The following FRMD4A variants were observed in gnomAD, a reference collection of about 807,000 sequenced individuals.
FRMD4A encodes FERM domain containing 4A, also known as FERM domain-containing protein 4A.
FRMD4A carries 29 observed loss-of-function variants against 129.1 expected under a neutral mutation model. That is an observed-to-expected ratio of 0.22 (90% CI 0.17 to 0.31). The LOEUF (loss-of-function observed/expected upper bound fraction) is 0.31, where lower values mean the gene tolerates loss of function less well. Among genes scored for constraint, FRMD4A ranks in the 10% least tolerant of loss-of-function variants. The pLI is 1.00. For synonymous variants in FRMD4A, 634 were observed against 571.6 expected (o/e 1.11, Z -1.56); for missense variants, 1,272 against 1,375.8 (o/e 0.92, Z 1.19).
chr10:13,795,684 C>G (rs1195037229), intron 5 of FRMD4A, among the ~76,000 whole-genome samples: 1 of 152,126 alleles, frequency 6.6e-6, no homozygotes, highest in Non-Finnish European at 1.5e-5. Flanking sequence ...GTGTTGCAAT[C>G]AAGGTTCTGG....
intron 22 of FRMD4A, chr10:13,654,865 A>C: frequency 3.3e-6 from 1 of 305,564 alleles, no homozygotes; most frequent in African/African-American, 2.2e-5. Flanking sequence ...TGATGTCCCC[A>C]TAGTCCTTTG....
At chr10:14,265,559 A>G (rs1186743624) in intron 2 of FRMD4A, among the ~76,000 whole-genome samples, 2 of 152,252 alleles carry the variant, frequency 1.3e-5, no homozygotes, top group African/African-American at 4.8e-5. Flanking sequence ...AGAAACTATA[A>G]GAATATAGCT....
intron 2 of FRMD4A, among the ~76,000 whole-genome samples, chr10:13,990,805 A>G (rs1181689791): frequency 6.6e-6 from 1 of 152,164 alleles, no homozygotes. Context: ...CTGCGAGTCA[A>G]CCTGATCACC....
intron 2 of FRMD4A, among the ~76,000 whole-genome samples, chr10:14,185,579 C>G (rs543102364): frequency 3.7e-4 from 57 of 152,026 alleles, no homozygotes; most frequent in African/African-American, 1.3e-3. Flanking sequence ...TCAATCTCGT[C>G]TTGTAAGAAA....
intron 2 of FRMD4A, among the ~76,000 whole-genome samples, chr10:14,147,008 A>T (rs762578587): frequency 3.0e-4 from 45 of 152,216 alleles, no homozygotes; most frequent in Non-Finnish European, 5.4e-4. Context: ...CATGTCTTTA[A>T]GTTGCTTCAA....
intron 6 of FRMD4A, among the ~76,000 whole-genome samples, chr10:13,769,549 A>G (rs1441618247): frequency 1.3e-5 from 2 of 152,026 alleles, no homozygotes; most frequent in East Asian, 3.9e-4. Context: ...GGCTCAAGTG[A>G]TCCACCCACC....
intron 2 of FRMD4A, among the ~76,000 whole-genome samples, chr10:14,142,439 T>A (rs1343309267): frequency 6.6e-6 from 1 of 152,226 alleles, no homozygotes; most frequent in African/African-American, 2.4e-5. Context: ...GTCTGACTAC[T>A]GTCAAAAATT....
intron 2 of FRMD4A, chr10:13,890,972 G>T: frequency 2.6e-6 from 1 of 385,646 alleles, no homozygotes; most frequent in Non-Finnish European, 3.6e-6. Context: ...CGCACAGGCA[G>T]CCCACGCAGC....
At chr10:14,313,671 G>A (rs1846636212) in intron 2 of FRMD4A, among the ~76,000 whole-genome samples, 1 of 152,168 alleles carries the variant, frequency 6.6e-6, no homozygotes, top group Non-Finnish European at 1.5e-5. Flanking sequence ...AGATGCAACA[G>A]GGACAGATGT....
chr10:13,743,439 G>A (rs2091122019), intron 9 of FRMD4A, among the ~76,000 whole-genome samples: 1 of 151,466 alleles, frequency 6.6e-6, no homozygotes, highest in Non-Finnish European at 1.5e-5. Context: ...AGTGTAGATA[G>A]GGACCTTTTT....
chr10:14,156,412 TC>T (rs1396976344), intron 2 of FRMD4A, among the ~76,000 whole-genome samples: 1 of 152,252 alleles, frequency 6.6e-6, no homozygotes, highest in African/African-American at 2.4e-5. Flanking sequence ...CGCAGATGAT[TC>T]ATACACTTAG....
chr10:14,277,789 C>T (rs544522479), intron 2 of FRMD4A, among the ~76,000 whole-genome samples: 2 of 152,302 alleles, frequency 1.3e-5, no homozygotes, highest in Admixed American at 6.5e-5. Context: ...AGTTCTTTGC[C>T]TACTGGGGAA....
At chr10:13,776,474 C>T (rs1588663341) in intron 6 of FRMD4A, among the ~76,000 whole-genome samples, 1 of 152,158 alleles carries the variant, frequency 6.6e-6, no homozygotes, top group African/African-American at 2.4e-5. Flanking sequence ...GAATAATGCC[C>T]TGTGTCAATT....
intron 17 of FRMD4A, among the ~76,000 whole-genome samples, chr10:13,666,917 T>C (rs867828773): frequency 0.013 from 1,902 of 143,970 alleles, 39 homozygotes; most frequent in African/African-American, 0.049. Flanking sequence ...TTTTCTTTTT[T>C]TTTTTTTTTT....
intron 2 of FRMD4A, among the ~76,000 whole-genome samples, chr10:14,058,793 T>C (rs915900269): frequency 1.3e-5 from 2 of 152,116 alleles, no homozygotes; most frequent in Non-Finnish European, 2.9e-5. Context: ...AAGAGCTGAT[T>C]GGCTGGGCAT....
At chr10:14,233,173 T>C (rs1028643819) in intron 2 of FRMD4A, among the ~76,000 whole-genome samples, 3 of 152,218 alleles carry the variant, frequency 2.0e-5, no homozygotes, top group African/African-American at 7.2e-5. Flanking sequence ...AGTCATTAAA[T>C]GGTTACTCTT....
chr10:13,718,114 A>G (rs933387740), intron 12 of FRMD4A, among the ~76,000 whole-genome samples: 9 of 151,642 alleles, frequency 5.9e-5, no homozygotes, highest in African/African-American at 2.2e-4. Flanking sequence ...GGGAGGGGAG[A>G]GGTCCCAGCG....
chr10:14,016,423 G>T (rs941902429), intron 2 of FRMD4A, among the ~76,000 whole-genome samples: 1 of 152,188 alleles, frequency 6.6e-6, no homozygotes, highest in Admixed American at 6.5e-5. Flanking sequence ...TTCTGCACAC[G>T]GTTTTCCTGT....
At chr10:14,227,243 C>CTTTTTTTTTTTTTTTTTCTTTTTTTTT (rs1843472907) in intron 2 of FRMD4A, among the ~76,000 whole-genome samples, 6 of 64,128 alleles carry the variant, frequency 9.4e-5, no homozygotes, top group South Asian at 7.7e-4. Flanking sequence ...TCTTCTTCTT[C>CTTTTTTTTTTTTTTTTTCTTTTTTTTT]TTTTTTTTTT....
Sources: allele counts gnomAD v4.1 joint callset (sites outside exome capture counted in the v4.1 genomes callset), GRCh38; gene constraint gnomAD v4.1.1; transcripts MANE v1.5; gene names NCBI Gene and HGNC (gene_info 2026-07-23, HGNC 2026-07-21).